GUCY1A2: variants seen among roughly 807,000 people sequenced by gnomAD.
The protein encoded by GUCY1A2 is guanylate cyclase 1 soluble subunit alpha 2, also known as guanylate cyclase soluble subunit alpha-2.
Under a neutral mutation model 63.5 loss-of-function variants are expected in GUCY1A2, and 27 were observed. The observed-to-expected ratio is 0.43, with a 90% CI of 0.31 to 0.59. The LOEUF (loss-of-function observed/expected upper bound fraction) is 0.59. Among genes scored for constraint, GUCY1A2 ranks in the 20% least tolerant of loss-of-function variants. The pLI is 0.11. For synonymous variants in GUCY1A2, 364 were observed against 343.5 expected (o/e 1.06, Z -0.66); for missense variants, 768 against 913.3 (o/e 0.84, Z 2.05).
chr11:106,773,406 T>A (rs917987840), intron 6 of GUCY1A2, among the ~76,000 whole-genome samples: 5 of 152,206 alleles, frequency 3.3e-5, no homozygotes, highest in African/African-American at 1.2e-4. Flanking sequence ...GGTATAAATA[T>A]AACACAGTTT....
intron 3 of GUCY1A2, among the ~76,000 whole-genome samples, chr11:106,958,965 A>C (rs1303467266): frequency 2.6e-5 from 4 of 152,208 alleles, no homozygotes; most frequent in Admixed American, 6.5e-5. Context: ...AGAAATGTAG[A>C]GCCGTGAAAA....
intron 4 of GUCY1A2, among the ~76,000 whole-genome samples, chr11:106,863,883 T>A (rs1332075660): frequency 6.6e-6 from 1 of 152,152 alleles, no homozygotes; most frequent in Non-Finnish European, 1.5e-5. Flanking sequence ...GGTATTTTAT[T>A]CTCTTTGTAG....
intron 3 of GUCY1A2, among the ~76,000 whole-genome samples, chr11:106,963,617 T>C (rs1861087733): frequency 6.6e-6 from 1 of 152,136 alleles, no homozygotes; most frequent in South Asian, 2.1e-4. Flanking sequence ...AATCACGTTA[T>C]AAGGGAGACA....
At chr11:106,953,839 G>C (rs1234265424) in intron 3 of GUCY1A2, among the ~76,000 whole-genome samples, 1 of 152,106 alleles carries the variant, frequency 6.6e-6, no homozygotes, top group African/African-American at 2.4e-5. Flanking sequence ...TCTGATGGTA[G>C]TTTGTATTTC....
intron 4 of GUCY1A2, among the ~76,000 whole-genome samples, chr11:106,877,672 C>T (rs974153853): frequency 5.9e-5 from 9 of 151,890 alleles, no homozygotes; most frequent in Admixed American, 2.6e-4. Context: ...CCATAAAAAC[C>T]CTGGAAGATA....
Position 106,838,473 on chromosome 11 carries a change from T to C in GUCY1A2, c.1207-27995A>G, listed in dbSNP as rs185286553. Among the ~76,000 whole-genome samples the C allele has an allele frequency of 5.9e-5, 9 of 152,120 alleles. No individual in the cohort carries two copies. The East Asian group carries it at 1.7e-3, about 30-fold the overall frequency. ...AAATATTTGCAAATTTATATACATA[T>C]ATTCATAAATTTATTCATATCTACT... On this transcript the variant is annotated intron_variant, in intron 4 of 7. Coordinates refer to ENST00000526355, the MANE Select transcript of GUCY1A2 (RefSeq NM_000855.3).
intron 4 of GUCY1A2, among the ~76,000 whole-genome samples, chr11:106,819,399 G>C (rs1427891973): frequency 6.6e-6 from 1 of 152,106 alleles, no homozygotes; most frequent in East Asian, 1.9e-4. Context: ...TTTGTGATAG[G>C]ACGAGTCAAT....
intron 4 of GUCY1A2, chr11:106,828,012 G>A (rs951278963): frequency 3.0e-6 from 2 of 668,534 alleles, no homozygotes; most frequent in Non-Finnish European, 5.4e-6. Flanking sequence ...TCCGACCTAC[G>A]GGTGCTCGGG....
intron 6 of GUCY1A2, among the ~76,000 whole-genome samples, chr11:106,734,410 T>G (rs1188936460): frequency 6.6e-6 from 1 of 152,158 alleles, no homozygotes; most frequent in Non-Finnish European, 1.5e-5. Context: ...CTATCTTTTA[T>G]GTACCCTTTT....
chr11:106,957,201 C>A (rs1860997722), intron 3 of GUCY1A2, among the ~76,000 whole-genome samples: 1 of 152,174 alleles, frequency 6.6e-6, no homozygotes, highest in South Asian at 2.1e-4. Flanking sequence ...GCCCAGGGAG[C>A]TTAGTGTGTT....
At chr11:106,747,869 T>C (rs6588921) in intron 6 of GUCY1A2, among the ~76,000 whole-genome samples, 77,458 of 151,878 alleles carry the variant, frequency 0.51, 21,378 homozygotes, top group African/African-American at 0.73. Flanking sequence ...ATGGCTTGTG[T>C]GAGGGTTACT....
chr11:106,905,540 T>C (rs765312309), intron 4 of GUCY1A2, among the ~76,000 whole-genome samples: 6 of 152,038 alleles, frequency 3.9e-5, no homozygotes, highest in Non-Finnish European at 8.8e-5. Flanking sequence ...CACATAACTT[T>C]TGGGGGCAAC....
At chr11:106,970,187 C>A (rs1861176199) in intron 3 of GUCY1A2, among the ~76,000 whole-genome samples, 1 of 152,120 alleles carries the variant, frequency 6.6e-6, no homozygotes, top group African/African-American at 2.4e-5. Flanking sequence ...TTGTGGACAT[C>A]TTATATTTCA....
chr11:106,838,174 A>T (rs1289644947), intron 4 of GUCY1A2, among the ~76,000 whole-genome samples: 1 of 151,948 alleles, frequency 6.6e-6, no homozygotes, highest in Non-Finnish European at 1.5e-5. Flanking sequence ...TCAGATGTAG[A>T]ATGGCTTTGC....
At chr11:106,702,727 A>G (rs1412383879) in intron 7 of GUCY1A2, among the ~76,000 whole-genome samples, 2 of 151,560 alleles carry the variant, frequency 1.3e-5, no homozygotes, top group Non-Finnish European at 2.9e-5. Flanking sequence ...ATCCTCAAAG[A>G]CAAGTATGCA....
chr11:106,913,082 G>A (rs930308254), intron 4 of GUCY1A2, among the ~76,000 whole-genome samples: 45 of 151,830 alleles, frequency 3.0e-4, no homozygotes, highest in African/African-American at 8.0e-4. Flanking sequence ...AGTTACAAAT[G>A]TAAGTTGATG....
rs573234936 is a variant in GUCY1A2 at position 106,680,049 on chromosome 11, C to T, written c.*7500G>A. ...TCCATTAAACCAGAGGTGTTTGTTA[C>T]GGAAATTGCCTCTCCTTTAAGAGTC... On this transcript the variant is annotated 3_prime_UTR_variant, in exon 8 of 8. Transcript: ENST00000526355. 5.3e-4 allele frequency: 114 copies of T among 214,556 alleles called. No individual in the cohort carries two copies. The highest frequency in any genetic ancestry group is 8.4e-4 in the Non-Finnish European group (89 of 106,206). The allele number at this position is 214,556 out of a possible 1,614,324, so 13.3% of individuals were successfully genotyped here. A position where few individuals can be genotyped will look rare whatever the true frequency, so the allele number is the denominator to read the frequency against.
At chr11:106,828,187 C>G (rs7102588) in intron 4 of GUCY1A2, among the ~76,000 whole-genome samples, 88,564 of 151,856 alleles carry the variant, frequency 0.58, 26,357 homozygotes, top group East Asian at 0.75. Context: ...TGTGCAGAAG[C>G]TTTTTAGTTT....
At position 106,677,213 on chromosome 11, in the gene GUCY1A2, T is replaced by C. The variant is rs1028427743; in HGVS notation, c.*10336A>G. ...AAGGAAAGGAAGGAAGGAAGGAAGATAGGAAGATAATTCAATGGAAAAAAG... is the reference window on the plus strand; with the variant it reads ...AAGGAAAGGAAGGAAGGAAGGAAGACAGGAAGATAATTCAATGGAAAAAAG... On this transcript the variant is annotated 3_prime_UTR_variant, in exon 8 of 8. Transcript: ENST00000526355. 9.1e-6 allele frequency: 2 copies of C among 220,412 alleles called. No individual in the cohort carries two copies. Among genetic ancestry groups the C allele is most frequent in the African/African-American group, 2.2e-5 (1 of 44,552 alleles). 13.7% of individuals were successfully genotyped at this position (220,412 alleles called of 1,614,324 possible). A position where few individuals can be genotyped will look rare whatever the true frequency, so the allele number is the denominator to read the frequency against.
Sources: gnomAD v4.1 joint callset for allele counts (sites outside exome capture counted in the v4.1 genomes callset) on GRCh38, gnomAD v4.1.1 for gene constraint, MANE v1.5 for transcripts, NCBI Gene and HGNC (gene_info 2026-07-23, HGNC 2026-07-21) for gene names.